SCN7A: variants seen among roughly 807,000 people sequenced by gnomAD.
The protein encoded by SCN7A is sodium voltage-gated channel alpha subunit 7, also known as sodium channel protein type 7 subunit alpha.
Under a neutral mutation model 155.2 loss-of-function variants are expected in SCN7A, and 138 were observed. That is an observed-to-expected ratio of 0.89 (90% confidence interval 0.77 to 1.02). The LOEUF (loss-of-function observed/expected upper bound fraction) is 1.02. SCN7A is among the 50% of genes least tolerant of loss of function. SCN7A has a pLI of 0.00. For synonymous variants in SCN7A, 693 were observed against 649.0 expected (o/e 1.07, Z -1.03); for missense variants, 2,058 against 1,986.6 (o/e 1.04, Z -0.68).
rs1307688980 is a variant in SCN7A at position 166,404,275 on chromosome 2, A to G, written c.*1305T>C. 6.6e-6 allele frequency: 1 copy of G among 152,034 alleles called. No individual in the cohort carries two copies. The highest frequency in any genetic ancestry group is 6.6e-5 in the Admixed American group (1 of 15,238). The allele number at this position is 152,034 out of a possible 1,614,324, so 9.4% of individuals were successfully genotyped here. ...GTAAATGACTATATTTGTATGAATA[A>G]GTCTAAGGACAACTATTTATGCCTA... is the stretch of plus-strand genomic sequence containing the variant. On this transcript the variant is annotated 3_prime_UTR_variant, in exon 26 of 26. Coordinates refer to ENST00000643258, the MANE Select transcript of SCN7A (RefSeq NM_002976.4).
chr2:166,416,827 T>C lies in SCN7A; in HGVS notation c.3294A>G (p.Ser1098=), dbSNP rs1283337536. ...ACCGACTCTTATTCATGACTTCAGA[T>C]GAAGGAAACCTTTCTCCACTTGTTG... ...IDPTSGERFP[S]SEVMNKSRCE... Residue 1098 remains serine, a synonymous_variant, in exon 21 of 26, where the codon TCA becomes TCG. Transcript: ENST00000643258. The C allele has an allele frequency of 6.2e-7, 1 of 1,613,566 alleles. No homozygotes were observed. The highest frequency in any genetic ancestry group is 2.2e-5 in the East Asian group (1 of 44,830).
intron 15 of SCN7A, among the ~76,000 whole-genome samples, chr2:166,440,314 G>C (rs1319502009): frequency 6.6e-6 from 1 of 152,194 alleles, no homozygotes; most frequent in East Asian, 1.9e-4. Context: ...GCCAGGAAAA[G>C]ACTGACAGCA....
intron 24 of SCN7A, 28 bp downstream of exon 24, chr2:166,410,192 G>A: frequency 6.8e-7 from 1 of 1,470,458 alleles, no homozygotes; most frequent in Non-Finnish European, 9.2e-7. Flanking sequence ...CTCCATTGAA[G>A]TTTCAAAAAA....
intron 15 of SCN7A, among the ~76,000 whole-genome samples, chr2:166,437,218 A>C (rs1364114599): frequency 6.6e-6 from 1 of 152,218 alleles, no homozygotes; most frequent in Non-Finnish European, 1.5e-5. Context: ...CCAGTGTCCC[A>C]GCTGTCCCAG....
At chr2:166,418,000 A>T (rs1701416013) in intron 20 of SCN7A, among the ~76,000 whole-genome samples, 1 of 151,812 alleles carries the variant, frequency 6.6e-6, no homozygotes, top group Non-Finnish European at 1.5e-5. Flanking sequence ...TCAGAATTGT[A>T]TTCTTATTAC....
chr2:166,449,787 CA>C (rs202042002), intron 11 of SCN7A, among the ~76,000 whole-genome samples: 2 of 150,790 alleles, frequency 1.3e-5, no homozygotes, highest in African/African-American at 4.9e-5. Flanking sequence ...CTAAAAAGAC[CA>C]AAAAAAACAA....
At chr2:166,454,416 G>A (rs963208438) in intron 11 of SCN7A, among the ~76,000 whole-genome samples, 5 of 152,156 alleles carry the variant, frequency 3.3e-5, no homozygotes, top group African/African-American at 1.2e-4. Context: ...TAGCTATAGA[G>A]TCATTCAGTA....
intron 20 of SCN7A, among the ~76,000 whole-genome samples, chr2:166,418,850 T>G (rs1701447534): frequency 6.6e-6 from 1 of 152,170 alleles, no homozygotes; most frequent in South Asian, 2.1e-4. Context: ...AATCATTAAT[T>G]TTGTAAGCAT....
intron 20 of SCN7A, among the ~76,000 whole-genome samples, chr2:166,419,982 T>C (rs1424576530): frequency 6.6e-6 from 1 of 152,116 alleles, no homozygotes; most frequent in Admixed American, 6.5e-5. Context: ...AGTACTATTA[T>C]AATGAGTCAA....
chr2:166,462,223 T>C lies in SCN7A; in HGVS notation c.1083+166A>G, dbSNP rs979255236. The C allele has an allele frequency of 1.5e-4, 99 of 652,702 alleles. No individual in the cohort carries two copies. In the African/African-American group the frequency reaches 1.7e-3, roughly 11 times the overall value. The allele number at this position is 652,702 out of a possible 1,614,324, so 40.4% of individuals were successfully genotyped here. ...ATAAGATATAATACACCTGGCAATG[T>C]GGCCAGCATATAATTTGACATTCAG... On this transcript the variant is annotated intron_variant, in intron 10 of 25. Transcript: ENST00000643258.
chr2:166,435,544 A>G (rs1701821889), intron 15 of SCN7A, among the ~76,000 whole-genome samples: 1 of 152,110 alleles, frequency 6.6e-6, no homozygotes, highest in African/African-American at 2.4e-5. Flanking sequence ...TCATAGCAAA[A>G]TCAAGCAGCA....
At position 166,456,975 on chromosome 2, in the gene SCN7A, CA is replaced by C; in HGVS notation, c.1184del (p.Met395ArgfsTer42). On this transcript the variant is annotated frameshift_variant, in exon 11 of 26. Coordinates refer to ENST00000643258, the MANE Select transcript of SCN7A (RefSeq NM_002976.4). LOFTEE classifies it high-confidence loss of function. ...CTCTCTGCTTTTCTTCTTCATAGGCCATGGCAAGTATGCCTAAGAACAAACT... is the reference window on the plus strand; with the variant it reads ...CTCTCTGCTTTTCTTCTTCATAGGCCTGGCAAGTATGCCTAAGAACAAACT... Reference protein sequence around the residue: ...MASLFLGILAMAYEEEKQRVG... With the variant: ...MASLFLGILAXAYEEEKQRVG... The C allele has an allele frequency of 6.2e-7, 1 of 1,605,602 alleles. No homozygotes were observed. The highest frequency in any genetic ancestry group is 1.1e-5 in the South Asian group (1 of 89,314).
At chr2:166,466,477 T>G (rs776396519) in intron 7 of SCN7A, among the ~76,000 whole-genome samples, 7 of 152,174 alleles carry the variant, frequency 4.6e-5, no homozygotes, top group Non-Finnish European at 7.4e-5. Flanking sequence ...CTATGTAAAC[T>G]GTATTTATAT....
intron 21 of SCN7A, among the ~76,000 whole-genome samples, chr2:166,414,111 A>ATGTAAATATATAT (rs1161076242): frequency 2.3e-5 from 2 of 88,370 alleles, no homozygotes; most frequent in Non-Finnish European, 4.0e-5. Context: ...TATTATATAT[A>ATGTAAATATATAT]AATATATATA....
At position 166,486,949 on chromosome 2, in the gene SCN7A, G is replaced by C. The variant is rs980001957; in HGVS notation, c.-108C>G. On this transcript the variant is annotated 5_prime_UTR_variant, in exon 2 of 26. Transcript: ENST00000643258. ...CAGCTCTAATGACCTGGCCATGTTG[G>C]CATTCACATGGTGGAGGACCTGTTG... 1 of 152,186 alleles carries C rather than the reference G, an allele frequency of 6.6e-6. No homozygotes were observed. Among genetic ancestry groups the C allele is most frequent in the African/African-American group, 2.4e-5 (1 of 41,440 alleles). The allele number at this position is 152,186 out of a possible 1,614,324, so 9.4% of individuals were successfully genotyped here.
chr2:166,480,478 C>CA (rs955837129), intron 2 of SCN7A, among the ~76,000 whole-genome samples: 21 of 144,442 alleles, frequency 1.5e-4, no homozygotes, highest in East Asian at 6.3e-4. Context: ...AACAAAAAAA[C>CA]AAAAAAACAA....
chr2:166,444,518 C>G (rs1183367208), intron 13 of SCN7A, among the ~76,000 whole-genome samples: 1 of 152,144 alleles, frequency 6.6e-6, no homozygotes, highest in Admixed American at 6.6e-5. Flanking sequence ...AAGCATCTGG[C>G]TAGGAATCCC....
At position 166,432,623 on chromosome 2, in the gene SCN7A, G is replaced by A. The variant is rs1701757085; in HGVS notation, c.2287C>T (p.Leu763Phe). Reference sequence around the variant, plus strand: ...TGTGTTTTGCATAGTATTTTAAGAAGCACATAGTTTATTCCTTTTTTAATT... The same window carrying A: ...TGTGTTTTGCATAGTATTTTAAGAAACACATAGTTTATTCCTTTTTTAATT... ...ARIKKGINYV[L>F]LKILCKTQNV... The change falls in exon 16 of 26, where the codon CTT becomes TTT. Residue 763 changes from leucine to phenylalanine, a missense_variant. Physicochemically the swap from Leu to Phe is conservative, Grantham distance 22. Coordinates refer to ENST00000643258, the MANE Select transcript of SCN7A (RefSeq NM_002976.4). The A allele has an allele frequency of 1.2e-6, 2 of 1,612,112 alleles. No individual in the cohort carries two copies. Among genetic ancestry groups the A allele is most frequent in the African/African-American group, 1.3e-5 (1 of 74,792 alleles).
intron 11 of SCN7A, among the ~76,000 whole-genome samples, chr2:166,451,199 C>G (rs965157227): frequency 1.3e-5 from 2 of 152,140 alleles, no homozygotes; most frequent in African/African-American, 4.8e-5. Flanking sequence ...TTGATAAAGT[C>G]AGTGCTCAAT....
Sources: gnomAD v4.1 joint callset for allele counts (sites outside exome capture counted in the v4.1 genomes callset) on GRCh38, gnomAD v4.1.1 for gene constraint, MANE v1.5 for transcripts, NCBI Gene and HGNC (gene_info 2026-07-23, HGNC 2026-07-21) for gene names.